The following WWOX variants were observed in gnomAD, a reference collection of about 807,000 sequenced individuals.
WWOX encodes the protein WW domain-containing oxidoreductase.
A neutral mutation model predicts 46.2 loss-of-function variants in WWOX; 69 were observed. The ratio of observed to expected loss-of-function variants is 1.49; its 90% CI spans 1.23 to 1.82. The LOEUF (loss-of-function observed/expected upper bound fraction) is 1.82, where lower values mean the gene tolerates loss of function less well. Ranked by LOEUF, WWOX falls within the 40% of genes most tolerant of loss-of-function variation. WWOX has a pLI of 0.00. For missense variants in WWOX, 919 were observed against 542.6 expected (o/e 1.69, Z -6.89); for synonymous variants, 359 against 202.6 (o/e 1.77, Z -6.56).
At chr16:78,486,492 C>G (rs1057411585) in intron 8 of WWOX, among the ~76,000 whole-genome samples, 6 of 152,282 alleles carry the variant, frequency 3.9e-5, no homozygotes, top group African/African-American at 1.4e-4. Flanking sequence ...GATAGTTTAG[C>G]AGTGTGCTCT....
intron 5 of WWOX, among the ~76,000 whole-genome samples, chr16:78,331,090 T>A (rs2080744946): frequency 6.6e-6 from 1 of 152,134 alleles, no homozygotes; most frequent in African/African-American, 2.4e-5. Context: ...AAAATATAGA[T>A]TTTTTTCAAA....
chr16:78,323,914 T>G (rs1358487987), intron 5 of WWOX, among the ~76,000 whole-genome samples: 2 of 152,162 alleles, frequency 1.3e-5, no homozygotes, highest in South Asian at 4.1e-4. Context: ...GTCTGAATAA[T>G]AAGCATAGAT....
At chr16:79,018,029 T>C (rs1043711135) in intron 8 of WWOX, among the ~76,000 whole-genome samples, 1 of 152,258 alleles carries the variant, frequency 6.6e-6, no homozygotes, top group African/African-American at 2.4e-5. Flanking sequence ...GCTTGGAGTT[T>C]CCTGGTAGTC....
At chr16:78,380,742 C>G (rs918292815) in intron 5 of WWOX, among the ~76,000 whole-genome samples, 1 of 152,092 alleles carries the variant, frequency 6.6e-6, no homozygotes, top group Non-Finnish European at 1.5e-5. Context: ...GTTATTACTC[C>G]CACTTCACAG....
chr16:78,417,859 G>A (rs77735923), intron 6 of WWOX, among the ~76,000 whole-genome samples: 2,245 of 152,246 alleles, frequency 0.015, 50 homozygotes, highest in East Asian at 0.062. Flanking sequence ...TCAAATAACT[G>A]CAACTGACCC....
At chr16:78,258,685 G>T (rs1436802674) in intron 5 of WWOX, among the ~76,000 whole-genome samples, 2 of 103,240 alleles carry the variant, frequency 1.9e-5, no homozygotes, top group African/African-American at 7.8e-5. Flanking sequence ...GACAGTTAAA[G>T]AGTATTCCAG....
chr16:78,421,171 C>G (rs1169205713), intron 6 of WWOX, among the ~76,000 whole-genome samples: 2 of 152,110 alleles, frequency 1.3e-5, no homozygotes, highest in African/African-American at 2.4e-5. Context: ...TAACAAATTA[C>G]CACAGATGGA....
At chr16:78,190,951 C>G (rs565516596) in intron 5 of WWOX, among the ~76,000 whole-genome samples, 3 of 152,266 alleles carry the variant, frequency 2.0e-5, no homozygotes, top group South Asian at 4.1e-4. Context: ...CATTGTGTGA[C>G]TTTCTCAAGG....
At chr16:78,392,316 A>G (rs986827949) in intron 6 of WWOX, among the ~76,000 whole-genome samples, 1 of 152,056 alleles carries the variant, frequency 6.6e-6, no homozygotes, top group Non-Finnish European at 1.5e-5. Flanking sequence ...GCTCCTTACG[A>G]AAATCTAATG....
intron 8 of WWOX, among the ~76,000 whole-genome samples, chr16:78,667,054 G>A (rs1364294): frequency 0.031 from 4,791 of 152,206 alleles, 95 homozygotes; most frequent in Non-Finnish European, 0.048. Context: ...TTACATAATG[G>A]TCAGAGGAGT....
intron 5 of WWOX, among the ~76,000 whole-genome samples, chr16:78,377,615 G>A (rs2081861321): frequency 6.6e-6 from 1 of 152,166 alleles, no homozygotes; most frequent in Admixed American, 6.5e-5. Context: ...GTCATTCACT[G>A]TCCTTCCTTA....
chr16:78,363,038 C>G (rs1205082955), intron 5 of WWOX, among the ~76,000 whole-genome samples: 3 of 152,086 alleles, frequency 2.0e-5, no homozygotes, highest in Non-Finnish European at 2.9e-5. Context: ...CTTCTGCTCC[C>G]TAATGACAGT....
At chr16:78,797,116 G>A (rs546130139) in intron 8 of WWOX, among the ~76,000 whole-genome samples, 1 of 152,150 alleles carries the variant, frequency 6.6e-6, no homozygotes, top group African/African-American at 2.4e-5. Context: ...GTGAGCCACT[G>A]TGCTGGGCCC....
chr16:78,645,404 G>A (rs980542585), intron 8 of WWOX, among the ~76,000 whole-genome samples: 1 of 152,140 alleles, frequency 6.6e-6, no homozygotes, highest in Non-Finnish European at 1.5e-5. Flanking sequence ...AAATGGGTCT[G>A]TCTTAGTCCT....
At chr16:79,089,193 C>T (rs1339716393) in intron 8 of WWOX, among the ~76,000 whole-genome samples, 1 of 152,136 alleles carries the variant, frequency 6.6e-6, no homozygotes, top group African/African-American at 2.4e-5. Context: ...GTTTCTTGAC[C>T]TTTTATGAGT....
At chr16:79,042,776 C>G (rs376952746) in intron 8 of WWOX, among the ~76,000 whole-genome samples, 16 of 145,198 alleles carry the variant, frequency 1.1e-4, no homozygotes, top group African/African-American at 3.9e-4. Flanking sequence ...CAGGATTTCT[C>G]AAATGCACAT....
In WWOX at chr16:78,211,448, T is replaced by G. The variant is rs75118788; in HGVS notation, c.516+47159T>G. ...GAAGACTTCATTGCTGAGGTGACCT[T>G]TGAGCTGAGTGTATGAGTGCAAGAG... On this transcript the variant is annotated intron_variant, in intron 5 of 8. Transcript: ENST00000566780. Among the ~76,000 whole-genome samples the G allele has an allele frequency of 5.1e-3, 783 of 152,140 alleles. 3 individuals carry two copies. Among genetic ancestry groups the G allele is most frequent in the Non-Finnish European group, 8.3e-3 (563 of 67,992 alleles).
chr16:78,374,629 AG>A (rs1044537033), intron 5 of WWOX, among the ~76,000 whole-genome samples: 4 of 144,804 alleles, frequency 2.8e-5, no homozygotes, highest in African/African-American at 1.0e-4. Flanking sequence ...GCTCACTGCA[AG>A]CTCCGCCTCC....
At chr16:78,481,268 T>G (rs1436623456) in intron 8 of WWOX, among the ~76,000 whole-genome samples, 1 of 152,170 alleles carries the variant, frequency 6.6e-6, no homozygotes, top group East Asian at 1.9e-4. Context: ...TCAAGACAGT[T>G]CAAAGCAGCT....
Sources: allele counts gnomAD v4.1 joint callset (sites outside exome capture counted in the v4.1 genomes callset), GRCh38; gene constraint gnomAD v4.1.1; transcripts MANE v1.5; gene names NCBI Gene and HGNC (gene_info 2026-07-23, HGNC 2026-07-21).